The following CLIC5 variants were observed in gnomAD, a reference collection of about 807,000 sequenced individuals.
The protein encoded by CLIC5 is chloride intracellular channel protein 5.
In CLIC5, 20 loss-of-function variants were observed where a neutral mutation model predicts 24.7. The ratio of observed to expected loss-of-function variants is 0.81; its 90% CI spans 0.57 to 1.18. The LOEUF (loss-of-function observed/expected upper bound fraction) is 1.18. CLIC5 is among the 50% of genes most tolerant of loss of function. CLIC5 has a pLI of 0.00. For synonymous variants in CLIC5, 159 were observed against 135.6 expected, an observed-to-expected ratio of 1.17 and a Z score of -1.20; for missense variants, 341 against 326.1, an observed-to-expected ratio of 1.05 and a Z score of -0.35.
intron 4 of CLIC5, among the ~76,000 whole-genome samples, chr6:45,918,048 T>A (rs1228474274): frequency 6.6e-6 from 1 of 152,204 alleles, no homozygotes; most frequent in Non-Finnish European, 1.5e-5. Flanking sequence ...TTTAACTGCT[T>A]TCTTCCCCTC....
chr6:46,070,509 T>A (rs1309609418), intron 1 of CLIC5, among the ~76,000 whole-genome samples: 1 of 152,118 alleles, frequency 6.6e-6, no homozygotes, highest in East Asian at 1.9e-4. Context: ...GGAATACAGC[T>A]AACCAGACAG....
chr6:46,017,942 T>C (rs1767067563), upstream of CLIC5, among the ~76,000 whole-genome samples: 1 of 152,246 alleles, frequency 6.6e-6, no homozygotes, highest in Admixed American at 6.5e-5. Context: ...ACTCTCTTGG[T>C]ACATTATAAC....
At chr6:45,978,207 C>G (rs1337389713) in intron 1 of CLIC5, among the ~76,000 whole-genome samples, 5 of 152,142 alleles carry the variant, frequency 3.3e-5, no homozygotes, top group Admixed American at 1.3e-4. Context: ...CAATAAACAG[C>G]ATTACATTAT....
At chr6:45,957,380 G>A (rs1047603841) in intron 1 of CLIC5, among the ~76,000 whole-genome samples, 1 of 152,170 alleles carries the variant, frequency 6.6e-6, no homozygotes, top group African/African-American at 2.4e-5. Context: ...TGGAAATGGA[G>A]GCACAGAGAG....
chr6:45,993,861 G>A (rs1017966198), intron 1 of CLIC5, among the ~76,000 whole-genome samples: 6 of 152,158 alleles, frequency 3.9e-5, no homozygotes, highest in South Asian at 2.1e-4. Context: ...CAAGCCCTGC[G>A]GAAATCATTC....
chr6:45,946,911 G>A (rs921568871), intron 3 of CLIC5, among the ~76,000 whole-genome samples: 2 of 152,228 alleles, frequency 1.3e-5, no homozygotes, highest in African/African-American at 4.8e-5. Context: ...CTACCTGAGA[G>A]TAGTGGATTG....
At chr6:46,006,320 A>G (rs535313822) in intron 1 of CLIC5, among the ~76,000 whole-genome samples, 12 of 150,474 alleles carry the variant, frequency 8.0e-5, no homozygotes, top group African/African-American at 2.9e-4. Flanking sequence ...AATTTTTTGT[A>G]TCTTTAGTAG....
chr6:46,080,189 C>T (rs1267138043), exon 1 of CLIC5: 19 of 1,551,500 alleles, frequency 1.2e-5, no homozygotes, highest in African/African-American at 4.1e-5. Flanking sequence ...GAACCTCATA[C>T]GTCCTCTCAT....
chr6:46,045,068 C>T (rs147168936), intron 1 of CLIC5, among the ~76,000 whole-genome samples: 7 of 152,202 alleles, frequency 4.6e-5, no homozygotes, highest in African/African-American at 1.7e-4. Context: ...CCCCACCACA[C>T]CCGCTCTCCT....
chr6:45,924,492 G>A (rs2127336981), intron 4 of CLIC5, among the ~76,000 whole-genome samples: 1 of 152,270 alleles, frequency 6.6e-6, no homozygotes. Flanking sequence ...TTTACTACAT[G>A]AGTCTTGCAT....
chr6:45,897,449 G>A (rs1171593269), downstream of CLIC5, among the ~76,000 whole-genome samples: 2 of 152,030 alleles, frequency 1.3e-5, no homozygotes, highest in African/African-American at 2.4e-5. Flanking sequence ...TAGGGAGGAG[G>A]GAGGTGGTGG....
chr6:46,007,375 G>C (rs1562000146), intron 1 of CLIC5, among the ~76,000 whole-genome samples: 1 of 152,212 alleles, frequency 6.6e-6, no homozygotes, highest in African/African-American at 2.4e-5. Context: ...TTCCAGGGGT[G>C]AATGTACCAG....
At chr6:45,940,428 G>A (rs1764089192) in intron 4 of CLIC5, among the ~76,000 whole-genome samples, 1 of 152,164 alleles carries the variant, frequency 6.6e-6, no homozygotes, top group Non-Finnish European at 1.5e-5. Context: ...TGGGTCCTGA[G>A]TAGCTTCCTG....
At chr6:45,991,242 C>A (rs1765933091) in intron 1 of CLIC5, among the ~76,000 whole-genome samples, 1 of 152,164 alleles carries the variant, frequency 6.6e-6, no homozygotes, top group African/African-American at 2.4e-5. Flanking sequence ...TCCTGGGTGG[C>A]CTTACTGGGT....
At chr6:46,125,074 T>C in the CLIC5 span, among the ~76,000 whole-genome samples, 1 of 152,158 alleles carries the variant, frequency 6.6e-6, no homozygotes, top group East Asian at 1.9e-4. Flanking sequence ...ATCCCATAAC[T>C]AGGTATATAC....
rs771720797 is a variant in CLIC5 at position 45,941,535 on chromosome 6, G to A, written c.406+12C>T. The A allele has an allele frequency of 3.8e-6, 6 of 1,594,244 alleles. No homozygotes were observed. In the African/African-American group the frequency reaches 6.7e-5, roughly 18 times the overall value. ...CACTGCCAAGGGTTCTTGGTGGAAG[G>A]GAGTCACTCACCAGCATTGTTCTGC... On this transcript the variant is annotated intron_variant, in intron 4 of 5. Coordinates refer to ENST00000339561, the MANE Select transcript of CLIC5 (RefSeq NM_016929.5).
At chr6:46,123,281 T>C in the CLIC5 span, among the ~76,000 whole-genome samples, 47 of 152,242 alleles carry the variant, frequency 3.1e-4, no homozygotes, top group South Asian at 8.9e-3. Context: ...GTTCAACATA[T>C]GAAAATCTAT....
intron 1 of CLIC5, among the ~76,000 whole-genome samples, chr6:45,992,794 G>A (rs1267087453): frequency 6.6e-6 from 1 of 152,164 alleles, no homozygotes; most frequent in African/African-American, 2.4e-5. Flanking sequence ...TTTAAGGGCT[G>A]TATGTATATA....
intron 1 of CLIC5, among the ~76,000 whole-genome samples, chr6:46,026,164 G>A (rs1387838010): frequency 6.6e-6 from 1 of 152,074 alleles, no homozygotes; most frequent in African/African-American, 2.4e-5. Context: ...AAAATTACAA[G>A]TGCTTTCTTG....
Sources: gnomAD v4.1 joint callset for allele counts (sites outside exome capture counted in the v4.1 genomes callset) on GRCh38, gnomAD v4.1.1 for gene constraint, MANE v1.5 for transcripts, NCBI Gene and HGNC (gene_info 2026-07-23, HGNC 2026-07-21) for gene names.